Variants in SYTL2 observed in about 807,000 individuals in gnomAD.
SYTL2 encodes the protein synaptotagmin like 2, also known as synaptotagmin-like protein 2.
Under a neutral mutation model 198.7 loss-of-function variants are expected in SYTL2, and 165 were observed. That is an observed-to-expected ratio of 0.83 (90% CI 0.73 to 0.94). The LOEUF (loss-of-function observed/expected upper bound fraction) is 0.94. SYTL2 is among the 40% of genes least tolerant of loss of function. The pLI is 0.00. For synonymous variants in SYTL2, 966 were observed against 917.7 expected, an observed-to-expected ratio of 1.05 and a Z score of -0.95; for missense variants, 2,835 against 2,582.8, an observed-to-expected ratio of 1.10 and a Z score of -2.12.
chr11:85,796,513 ATAT>A (rs1298802476), intron 1 of SYTL2, among the ~76,000 whole-genome samples: 2 of 152,238 alleles, frequency 1.3e-5, no homozygotes, highest in African/African-American at 4.8e-5. Context: ...AGTATCTGAG[ATAT>A]TATGAAAAAT....
Position 85,751,409 on chromosome 11 carries a change from A to G in SYTL2, c.102-2986T>C, listed in dbSNP as rs556841848. On this transcript the variant is annotated intron_variant, in intron 2 of 19. Transcript: ENST00000359152. ...TCATTTTTTTCTGAACTCTAATTAC[A>G]TCAACAAAATGAGCATTTGATTCTC... is the stretch of plus-strand genomic sequence containing the variant. 2.0e-5 allele frequency among the ~76,000 whole-genome samples: 3 copies of G among 152,270 alleles called. No individual in the cohort carries two copies. In the South Asian group the frequency reaches 6.2e-4, roughly 32 times the overall value.
intron 16 of SYTL2, among the ~76,000 whole-genome samples, chr11:85,703,622 A>G (rs1401367106): frequency 6.6e-6 from 1 of 152,196 alleles, no homozygotes; most frequent in African/African-American, 2.4e-5. Context: ...ACTAAAGGAG[A>G]GTCTTGAACA....
intron 1 of SYTL2, among the ~76,000 whole-genome samples, chr11:85,789,018 T>G (rs946976987): frequency 6.6e-6 from 1 of 151,644 alleles, no homozygotes; most frequent in Non-Finnish European, 1.5e-5. Flanking sequence ...TATAAAGATA[T>G]GTCCCTGTTA....
chr11:85,804,582 T>C (rs893844880), intron 1 of SYTL2, among the ~76,000 whole-genome samples: 4 of 152,160 alleles, frequency 2.6e-5, no homozygotes, highest in African/African-American at 7.2e-5. Flanking sequence ...ATTAAATAAA[T>C]TGATGTAGGT....
intron 2 of SYTL2, among the ~76,000 whole-genome samples, chr11:85,755,680 G>A (rs1192589631): frequency 2.0e-5 from 3 of 152,122 alleles, no homozygotes; most frequent in Non-Finnish European, 4.4e-5. Context: ...CAATGCAAGT[G>A]CCCAAGAAAC....
rs747978023 is a variant in SYTL2 at position 85,724,617 on chromosome 11, AAGGAGGAGC to A, written c.4732_4740del (p.Ala1578_Pro1580del). On this transcript the variant is annotated inframe_deletion, in exon 8 of 20. Transcript: ENST00000359152. ...TCTCTCACTGACACCTGGGGCTGATAAGGAGGAGCTTCAGTTATTTCTTTAAGAAGTTTC... is the reference window on the plus strand; with the variant it reads ...TCTCTCACTGACACCTGGGGCTGATATTCAGTTATTTCTTTAAGAAGTTTC... The A allele has an allele frequency of 5.0e-6, 8 of 1,613,398 alleles. No individual in the cohort carries two copies. In the South Asian group the frequency reaches 6.6e-5, roughly 13 times the overall value.
At chr11:85,846,714 A>T in the SYTL2 span, among the ~76,000 whole-genome samples, 1 of 147,278 alleles carries the variant, frequency 6.8e-6, no homozygotes, top group African/African-American at 2.5e-5. Context: ...GAGGTGAGTC[A>T]CCACGCCCAG....
intron 2 of SYTL2, among the ~76,000 whole-genome samples, chr11:85,748,899 T>TGG (rs1310087377): frequency 2.6e-5 from 4 of 152,192 alleles, no homozygotes; most frequent in African/African-American, 9.7e-5. Flanking sequence ...AAACACTGGA[T>TGG]GGGGTAGTCA....
At position 85,726,620 on chromosome 11, in the gene SYTL2, C is replaced by G; in HGVS notation, c.2738G>C (p.Arg913Thr). 1 of 1,543,158 alleles carries G rather than the reference C, an allele frequency of 6.5e-7. No individual in the cohort carries two copies. The highest frequency in any genetic ancestry group is 8.7e-7 in the Non-Finnish European group (1 of 1,149,996). The part of the protein sequence containing the change: ...FQNKKNEPIK[R>T]SQVADSLPSR... Reference sequence around the variant, plus strand: ...AGGCAAACTGTCTGCCACTTGTGATCTTTTTATAGGCTCATTTTTCTTATT... The same window carrying G: ...AGGCAAACTGTCTGCCACTTGTGATGTTTTTATAGGCTCATTTTTCTTATT... Residue 913 changes from arginine (R) to threonine (T), a missense_variant, in exon 8 of 20, where the codon AGA becomes ACA. Physicochemically the swap from Arg to Thr is moderately conservative, Grantham distance 71 (BLOSUM62 -1). Around this residue, in one of 3 missense-constraint regions of SYTL2, gnomAD observed 2,645 missense variants for 2,381.7 expected, o/e 1.11. Coordinates refer to ENST00000359152, the MANE Select transcript of SYTL2 (RefSeq NM_206927.4).
intron 1 of SYTL2, among the ~76,000 whole-genome samples, chr11:85,805,343 A>G (rs116716553): frequency 0.029 from 4,462 of 151,944 alleles, 97 homozygotes; most frequent in Admixed American, 0.055. Context: ...AAAAAAAACA[A>G]AAAAACTGAA....
At chr11:85,806,600 C>T (rs1322348817) in intron 1 of SYTL2, among the ~76,000 whole-genome samples, 2 of 152,204 alleles carry the variant, frequency 1.3e-5, no homozygotes, top group African/African-American at 4.8e-5. Flanking sequence ...AACCACTCTC[C>T]TCTCAATGAT....
intron 2 of SYTL2, among the ~76,000 whole-genome samples, chr11:85,750,657 C>G (rs146234470): frequency 8.5e-4 from 129 of 152,210 alleles, no homozygotes; most frequent in African/African-American, 2.7e-3. Context: ...AGAGCTGATA[C>G]CCAATAACTG....
intron 1 of SYTL2, among the ~76,000 whole-genome samples, chr11:85,769,289 A>T (rs550200803): frequency 6.6e-6 from 1 of 152,214 alleles, no homozygotes; most frequent in African/African-American, 2.4e-5. Context: ...ATGAGGCCCA[A>T]TGTAATCACA....
chr11:85,790,375 C>T (rs1324704417), intron 1 of SYTL2, among the ~76,000 whole-genome samples: 1 of 152,094 alleles, frequency 6.6e-6, no homozygotes, highest in Non-Finnish European at 1.5e-5. Context: ...AAGCACAACC[C>T]CTGACTAGCT....
the SYTL2 span, among the ~76,000 whole-genome samples, chr11:85,816,598 T>C: frequency 1.2e-4 from 18 of 152,122 alleles, no homozygotes; most frequent in African/African-American, 3.6e-4. Flanking sequence ...CTTCATACCA[T>C]AGAACTGTAC....
intron 17 of SYTL2, among the ~76,000 whole-genome samples, chr11:85,698,847 T>C (rs1347394220): frequency 6.6e-6 from 1 of 152,202 alleles, no homozygotes; most frequent in African/African-American, 2.4e-5. Flanking sequence ...TCAAGAGTGG[T>C]TAAACATTTT....
Position 85,724,104 on chromosome 11 carries a change from C to A in SYTL2, c.5254G>T (p.Glu1752Ter). The change falls in exon 8 of 20, where the codon GAA becomes TAA. Residue 1752 changes from glutamate to a stop codon, truncating the protein, a stop_gained. Coordinates refer to ENST00000359152, the MANE Select transcript of SYTL2 (RefSeq NM_206927.4). LOFTEE classifies it high-confidence loss of function. ...YMKQEKEEEK[E>*]GFSESDFSDG... Reference sequence around the variant, plus strand: ...GAAAAATCAGACTCAGAGAAACCTTCTTTTTCTTCCTCTTTCTCTTGTTTC... The same window carrying A: ...GAAAAATCAGACTCAGAGAAACCTTATTTTTCTTCCTCTTTCTCTTGTTTC... 2.5e-6 allele frequency: 4 copies of A among 1,583,424 alleles called. No homozygotes were observed. The highest frequency in any genetic ancestry group is 3.4e-6 in the Non-Finnish European group (4 of 1,171,348).
chr11:85,813,586 T>C (rs1210517860), upstream of SYTL2, among the ~76,000 whole-genome samples: 2 of 152,208 alleles, frequency 1.3e-5, no homozygotes, highest in Non-Finnish European at 2.9e-5. Flanking sequence ...TAAGGTTAAA[T>C]GCACAGACTT....
intron 1 of SYTL2, among the ~76,000 whole-genome samples, chr11:85,792,383 G>A (rs1347655701): frequency 1.3e-5 from 2 of 152,116 alleles, no homozygotes; most frequent in South Asian, 2.1e-4. Flanking sequence ...AGTCAAGGAT[G>A]TTCATTTCTC....
Sources: gnomAD v4.1 joint callset for allele counts (sites outside exome capture counted in the v4.1 genomes callset) on GRCh38, gnomAD v4.1.1 for gene constraint, gnomAD v4.1.1 regional missense constraint, MANE v1.5 for transcripts, NCBI Gene and HGNC (gene_info 2026-07-23, HGNC 2026-07-21) for gene names.